Variants in PARP8 observed in about 807,000 individuals in gnomAD.
PARP8 encodes protein mono-ADP-ribosyltransferase PARP8.
PARP8 carries 51 observed loss-of-function variants against 124.1 expected under a neutral mutation model. The ratio of observed to expected loss-of-function variants is 0.41; its 90% CI spans 0.33 to 0.52. PARP8 has a LOEUF of 0.52. Among genes scored for constraint, PARP8 ranks in the 20% least tolerant of loss-of-function variants. The probability of loss-of-function intolerance (pLI) is 0.21; values close to 1 mark genes in which losing one functional copy is unlikely to be tolerated. For missense variants in PARP8, 860 were observed against 1,018.9 expected, an observed-to-expected ratio of 0.84 and a Z score of 2.12; for synonymous variants, 391 against 361.5, an observed-to-expected ratio of 1.08 and a Z score of -0.93.
chr5:50,830,398 C>A (rs781177913), intron 22 of PARP8, among the ~76,000 whole-genome samples: 19 of 152,072 alleles, frequency 1.2e-4, no homozygotes, highest in Non-Finnish European at 2.6e-4. Context: ...AATCATCTTT[C>A]TTGTTAACAA....
chr5:50,778,279 T>C (rs1740264177), intron 8 of PARP8, 150 bp downstream of exon 8: 9 of 674,752 alleles, frequency 1.3e-5, no homozygotes, highest in African/African-American at 3.7e-5. Context: ...CTGTGACTTG[T>C]CAAAGAAGCA....
rs1156865962 is a variant in PARP8, at chr5:50,763,137, CT to C, written c.424-7del. 2 of 1,601,546 alleles carry C rather than the reference CT, an allele frequency of 1.2e-6. No individual in the cohort carries two copies. Among genetic ancestry groups the C allele is most frequent in the Non-Finnish European group, 1.7e-6 (2 of 1,169,040 alleles). ...CTTCTGAGACACTTTTAAATTATCC[CT>C]TTTCATCAGGTGAACTATGATGGGG... is the stretch of plus-strand genomic sequence containing the variant. On this transcript the variant is annotated splice_polypyrimidine_tract_variant and intron_variant, in intron 6 of 25. Transcript: ENST00000281631.
intron 14 of PARP8, among the ~76,000 whole-genome samples, chr5:50,802,963 G>C (rs1227999603): frequency 1.3e-5 from 2 of 152,076 alleles, no homozygotes; most frequent in African/African-American, 4.8e-5. Context: ...TTAATCTGAA[G>C]AACTCCCTTC....
At chr5:50,735,852 C>T (rs147245173) in intron 2 of PARP8, among the ~76,000 whole-genome samples, 13 of 147,556 alleles carry the variant, frequency 8.8e-5, no homozygotes, top group African/African-American at 3.3e-4. Flanking sequence ...TTATCTAGGT[C>T]AGGTAGGGCA....
At chr5:50,750,286 G>T (rs1580197848) in intron 3 of PARP8, 98 bp downstream of exon 3, 9 of 1,004,296 alleles carry the variant, frequency 9.0e-6, no homozygotes, top group Non-Finnish European at 1.2e-5. Flanking sequence ...ATATTGAGGG[G>T]TGAAACACTG....
At position 50,828,018 on chromosome 5, in the gene PARP8, A is replaced by G; in HGVS notation, c.2052A>G (p.Arg684=). 1 of 1,613,446 alleles carries G rather than the reference A, an allele frequency of 6.2e-7. No homozygotes were observed. Among genetic ancestry groups the G allele is most frequent in the Non-Finnish European group, 8.5e-7 (1 of 1,179,456 alleles). The change falls in exon 20 of 26, where the codon AGA becomes AGG. Residue 684 remains arginine, a synonymous_variant. Coordinates refer to ENST00000281631, the MANE Select transcript of PARP8 (RefSeq NM_024615.4). ...CACCAGCCAAAGAATCCAATTTTAG[A>G]GCTGCTAAAAAACTCTTTGGAAGCA... ...SSPPAKESNF[R]AAKKLFGSTF...
intron 2 of PARP8, among the ~76,000 whole-genome samples, chr5:50,698,635 A>G (rs746804056): frequency 6.6e-6 from 1 of 152,112 alleles, no homozygotes; most frequent in East Asian, 1.9e-4. Flanking sequence ...CCACTACCCA[A>G]TGAAAGAATA....
chr5:50,677,295 A>G (rs1404648029), intron 2 of PARP8, among the ~76,000 whole-genome samples: 1 of 147,572 alleles, frequency 6.8e-6, no homozygotes, highest in Non-Finnish European at 1.5e-5. Context: ...ATTAAAATGC[A>G]TCACAGCTAG....
At chr5:50,800,882 G>A (rs1743131975) in intron 14 of PARP8, among the ~76,000 whole-genome samples, 2 of 150,636 alleles carry the variant, frequency 1.3e-5, no homozygotes, top group Non-Finnish European at 3.0e-5. Flanking sequence ...TCAGCCTCCT[G>A]AGTAGCTGGG....
intron 2 of PARP8, among the ~76,000 whole-genome samples, chr5:50,681,799 T>TC (rs1751322378): frequency 6.6e-6 from 1 of 152,134 alleles, no homozygotes; most frequent in Admixed American, 6.6e-5. Flanking sequence ...TGTCAACTGG[T>TC]CAGGGGCACT....
At chr5:50,777,473 G>A (rs1205902617) in intron 7 of PARP8, among the ~76,000 whole-genome samples, 3 of 151,766 alleles carry the variant, frequency 2.0e-5, no homozygotes, top group African/African-American at 4.8e-5. Flanking sequence ...ATGTTGGTTC[G>A]TGGCAGTACC....
intron 2 of PARP8, among the ~76,000 whole-genome samples, chr5:50,747,918 G>A (rs1212882725): frequency 6.6e-5 from 10 of 151,504 alleles, no homozygotes; most frequent in Non-Finnish European, 1.0e-4. Context: ...GACTACAGGC[G>A]CCTGCCACCG....
At chr5:50,837,154 A>G (rs1484110373) in intron 25 of PARP8, among the ~76,000 whole-genome samples, 2 of 152,188 alleles carry the variant, frequency 1.3e-5, no homozygotes, top group African/African-American at 4.8e-5. Flanking sequence ...AAAGAGAAGT[A>G]CACTCAGATA....
At chr5:50,747,739 C>T (rs1758747819) in intron 2 of PARP8, among the ~76,000 whole-genome samples, 1 of 141,150 alleles carries the variant, frequency 7.1e-6, no homozygotes, top group African/African-American at 2.6e-5. Flanking sequence ...ATATGGATCT[C>T]TCAAAGATAG....
At chr5:50,738,987 C>G in intron 2 of PARP8, 1 of 702,538 alleles carries the variant, frequency 1.4e-6, no homozygotes, top group South Asian at 1.5e-5. Context: ...AAGCACATTC[C>G]TAGACTGGCT....
At chr5:50,679,783 T>C (rs879174919) in intron 2 of PARP8, among the ~76,000 whole-genome samples, 1 of 152,208 alleles carries the variant, frequency 6.6e-6, no homozygotes, top group Admixed American at 6.5e-5. Flanking sequence ...TCCCCCTGCA[T>C]AGTGCTTAGG....
chr5:50,697,401 G>A (rs1010436555), intron 2 of PARP8, among the ~76,000 whole-genome samples: 1 of 152,208 alleles, frequency 6.6e-6, no homozygotes, highest in Non-Finnish European at 1.5e-5. Flanking sequence ...CAAATCCTGT[G>A]CAGCAGGATT....
At position 50,822,315 on chromosome 5, in the gene PARP8, A is replaced by T. The variant is rs753632010; in HGVS notation, c.1795-20A>T. Reference sequence around the variant, plus strand: ...TTATAAGCAAATGCTGTTTTTTAACATCACTTTTTCATTAAACAGAAAAAG... The same window carrying T: ...TTATAAGCAAATGCTGTTTTTTAACTTCACTTTTTCATTAAACAGAAAAAG... On this transcript the variant is annotated intron_variant, in intron 16 of 25. Transcript: ENST00000281631. The T allele has an allele frequency of 6.3e-7, 1 of 1,577,456 alleles. No homozygotes were observed. Among genetic ancestry groups the T allele is most frequent in the Admixed American group, 1.7e-5 (1 of 59,660 alleles).
intron 2 of PARP8, among the ~76,000 whole-genome samples, chr5:50,740,728 A>G (rs1394832490): frequency 6.6e-6 from 1 of 151,764 alleles, no homozygotes; most frequent in East Asian, 1.9e-4. Flanking sequence ...TGGGAGGATT[A>G]CTTGTTGCCA....
Sources: gnomAD v4.1 joint callset for allele counts (sites outside exome capture counted in the v4.1 genomes callset) on GRCh38, gnomAD v4.1.1 for gene constraint, MANE v1.5 for transcripts, NCBI Gene and HGNC (gene_info 2026-07-23, HGNC 2026-07-21) for gene names.